The following RIMBP2 variants were observed in gnomAD, a reference collection of about 807,000 sequenced individuals.
RIMBP2 encodes RIMS binding protein 2.
A neutral mutation model predicts 118.6 loss-of-function variants in RIMBP2; 48 were observed. The observed-to-expected ratio is 0.40, with a 90% confidence interval of 0.32 to 0.51. The LOEUF is 0.51. Among genes scored for constraint, RIMBP2 ranks in the 20% least tolerant of loss-of-function variants. RIMBP2 has a pLI of 0.41. For missense variants in RIMBP2, 1,551 were observed against 1,768.3 expected (o/e 0.88, Z 2.20); for synonymous variants, 762 against 742.9 (o/e 1.03, Z -0.42).
chr12:130,463,674 C>T (rs1320797026), intron 6 of RIMBP2, among the ~76,000 whole-genome samples: 4 of 151,656 alleles, frequency 2.6e-5, no homozygotes, highest in African/African-American at 4.8e-5. Flanking sequence ...CCAGGCTCAC[C>T]GGGTCACTTG....
rs147825405 is a variant in RIMBP2 at position 130,446,669 on chromosome 12, C to T, written c.582-1400G>A. On this transcript the variant is annotated intron_variant, in intron 9 of 22. Transcript: ENST00000690449. The surrounding 1 kb of genome is among the most constrained non-coding windows in gnomAD (Gnocchi z 4.1). Reference sequence around the variant, plus strand: ...GAGCTCTGGAAGAAGGAATAGCATGCGCCAAGGCCCAGAGGCAGGGAGGAG... The same window carrying T: ...GAGCTCTGGAAGAAGGAATAGCATGTGCCAAGGCCCAGAGGCAGGGAGGAG... Among the ~76,000 whole-genome samples the T allele has an allele frequency of 9.8e-5, 15 of 152,286 alleles. No homozygotes were observed. In the South Asian group the frequency reaches 2.3e-3, roughly 23 times the overall value.
intron 2 of RIMBP2, among the ~76,000 whole-genome samples, chr12:130,556,480 T>C (rs777044741): frequency 2.4e-4 from 36 of 152,204 alleles, no homozygotes; most frequent in Admixed American, 4.6e-4. Context: ...TCTGAAAAGT[T>C]AGACAAGGAA....
intron 1 of RIMBP2, among the ~76,000 whole-genome samples, chr12:130,628,766 C>A (rs1357188636): frequency 6.6e-6 from 1 of 152,070 alleles, no homozygotes; most frequent in Non-Finnish European, 1.5e-5. Flanking sequence ...CCTGAATTTG[C>A]CAAAAGAAAT....
intron 1 of RIMBP2, among the ~76,000 whole-genome samples, chr12:130,698,674 G>C (rs915364170): frequency 6.6e-6 from 1 of 152,070 alleles, no homozygotes; most frequent in East Asian, 1.9e-4. Flanking sequence ...GCATGGGCAA[G>C]GACTTCATGT....
At chr12:130,474,922 A>G (rs960977494) in intron 5 of RIMBP2, among the ~76,000 whole-genome samples, 2 of 152,168 alleles carry the variant, frequency 1.3e-5, no homozygotes, top group Admixed American at 1.3e-4. Context: ...CTTCACTGAC[A>G]TGAGACGCTC....
At chr12:130,614,584 A>C (rs1336711812) in intron 2 of RIMBP2, among the ~76,000 whole-genome samples, 1 of 152,214 alleles carries the variant, frequency 6.6e-6, no homozygotes, top group Admixed American at 6.5e-5. Context: ...AGAGATTCCC[A>C]GAAATTGATT....
chr12:130,577,314 A>G (rs1014889852), intron 2 of RIMBP2, among the ~76,000 whole-genome samples: 7 of 152,334 alleles, frequency 4.6e-5, no homozygotes, highest in Non-Finnish European at 8.8e-5. Context: ...AGCTATAATT[A>G]TAACTGCCAC....
At chr12:130,516,670 G>A (rs748407638) in intron 3 of RIMBP2, among the ~76,000 whole-genome samples, 12 of 152,206 alleles carry the variant, frequency 7.9e-5, no homozygotes, top group Non-Finnish European at 1.5e-4. Flanking sequence ...TCTAAGCAGA[G>A]ACAACCATCA....
At chr12:130,407,074 T>C (rs2075248007) in intron 20 of RIMBP2, among the ~76,000 whole-genome samples, 1 of 152,206 alleles carries the variant, frequency 6.6e-6, no homozygotes, top group South Asian at 2.1e-4. Flanking sequence ...CAGCAGAACA[T>C]GGAAGCAGAA....
chr12:130,400,675 A>ACAG (rs2074448750), intron 21 of RIMBP2, among the ~76,000 whole-genome samples: 1 of 152,270 alleles, frequency 6.6e-6, no homozygotes, highest in Non-Finnish European at 1.5e-5. Context: ...AGTGAAGGAC[A>ACAG]CAGCAGAGTG....
At chr12:130,500,813 C>A (rs142196003) in intron 4 of RIMBP2, among the ~76,000 whole-genome samples, 1 of 152,128 alleles carries the variant, frequency 6.6e-6, no homozygotes, top group African/African-American at 2.4e-5. Flanking sequence ...TAGATGAGAA[C>A]GGTGGCCACA....
chr12:130,536,081 G>T (rs1213906303), intron 2 of RIMBP2, among the ~76,000 whole-genome samples: 1 of 151,970 alleles, frequency 6.6e-6, no homozygotes. Flanking sequence ...GAGCCATCAC[G>T]CCCAGTTGCA....
In RIMBP2 at chr12:130,424,390, G is replaced by A. The variant is rs926357607; in HGVS notation, c.2881C>T (p.Arg961Trp). Reference protein sequence around the residue: ...RRGPRPLLARRRTLTRQSSVE... With the variant: ...RRGPRPLLARWRTLTRQSSVE... ...CTGCTCTGCCGGGTCAGCGTCCGCC[G>A]CCGGGCCAGCAGCGGCCTCGGGCCC... is the stretch of plus-strand genomic sequence containing the variant. Residue 961 changes from arginine (R) to tryptophan (W), a missense_variant, in exon 16 of 23, where the codon CGG becomes TGG. Transcript: ENST00000690449. The surrounding 1 kb of genome is among the most constrained non-coding windows in gnomAD (Gnocchi z 9.8). The A allele has an allele frequency of 1.5e-4, 181 of 1,232,570 alleles. No homozygotes were observed. The highest frequency in any genetic ancestry group is 2.0e-4 in the African/African-American group (13 of 64,388). 76.4% of individuals were successfully genotyped at this position (1,232,570 alleles called of 1,614,324 possible).
At position 130,523,713 on chromosome 12, in the gene RIMBP2, C is replaced by A. The variant is rs149883434; in HGVS notation, c.-216-5796G>T. ...ACCACTGAGTGTGTATGTGTCAGTA[C>A]CGGGCTCAGCAGGGGGCCCTGAGTG... On this transcript the variant is annotated intron_variant, in intron 2 of 22. Transcript: ENST00000690449. This position sits in a 1 kb window ranked among gnomAD's most constrained non-coding sequence, Gnocchi z 4.4. Among the ~76,000 whole-genome samples the A allele has an allele frequency of 6.6e-6, 1 of 152,208 alleles. No homozygotes were observed. Among genetic ancestry groups the A allele is most frequent in the South Asian group, 2.1e-4 (1 of 4,826 alleles).
At chr12:130,591,874 T>C (rs1168787629) in intron 2 of RIMBP2, among the ~76,000 whole-genome samples, 2 of 152,234 alleles carry the variant, frequency 1.3e-5, no homozygotes, top group Non-Finnish European at 2.9e-5. Context: ...AAATCACTTG[T>C]TCTGAAACTC....
intron 2 of RIMBP2, among the ~76,000 whole-genome samples, chr12:130,565,750 A>T (rs2057172733): frequency 6.6e-6 from 1 of 152,138 alleles, no homozygotes; most frequent in Non-Finnish European, 1.5e-5. Flanking sequence ...TTACCATCAC[A>T]TTTGTTCACA....
At chr12:130,410,156 A>G (rs964431335) in intron 19 of RIMBP2, among the ~76,000 whole-genome samples, 1 of 152,310 alleles carries the variant, frequency 6.6e-6, no homozygotes, top group Non-Finnish European at 1.5e-5. Flanking sequence ...AGATCTTTTC[A>G]TGTGCTTATT....
At chr12:130,603,719 G>T (rs535247190) in intron 2 of RIMBP2, among the ~76,000 whole-genome samples, 24 of 152,242 alleles carry the variant, frequency 1.6e-4, no homozygotes, top group Non-Finnish European at 3.1e-4. Context: ...ATAGCCCGGT[G>T]ACTTCACAGC....
intron 2 of RIMBP2, among the ~76,000 whole-genome samples, chr12:130,553,997 C>T (rs1261320087): frequency 2.0e-5 from 3 of 152,144 alleles, no homozygotes; most frequent in African/African-American, 7.2e-5. Context: ...CATATTTATT[C>T]CTAGGTCCAG....
Sources: allele counts gnomAD v4.1 joint callset (sites outside exome capture counted in the v4.1 genomes callset), GRCh38; gene constraint gnomAD v4.1.1; non-coding constraint Gnocchi (gnomAD v3.1); transcripts MANE v1.5; gene names NCBI Gene and HGNC (gene_info 2026-07-23, HGNC 2026-07-21).